Variants in GATA4 observed in about 807,000 individuals in gnomAD.
GATA4 encodes GATA binding protein 4, also known as transcription factor GATA-4.
Under a neutral mutation model 37.9 loss-of-function variants are expected in GATA4, and 7 were observed. That is an observed-to-expected ratio of 0.18 (90% CI 0.11 to 0.35). The LOEUF is 0.35. Among genes scored for constraint, GATA4 ranks in the 10% least tolerant of loss-of-function variants. GATA4 has a pLI of 1.00. For synonymous variants in GATA4, 372 were observed against 292.6 expected, an observed-to-expected ratio of 1.27 and a Z score of -2.77; for missense variants, 647 against 653.0, an observed-to-expected ratio of 0.99 and a Z score of 0.10.
At chr8:11,747,845 A>G (rs1802105396) in intron 2 of GATA4, among the ~76,000 whole-genome samples, 1 of 152,264 alleles carries the variant, frequency 6.6e-6, no homozygotes, top group Non-Finnish European at 1.5e-5. Flanking sequence ...AAATGAGTTT[A>G]TAAAGAATTT....
In GATA4 at chr8:11,758,684, G is replaced by A; in HGVS notation, c.*209G>A. ...CCTTTACACGCTGATGGGACTGGAG[G>A]GAGCCCACCCTTCAGCACGAGCACA... On this transcript the variant is annotated 3_prime_UTR_variant, in exon 7 of 7. Transcript: ENST00000532059. 1 of 614,516 alleles carries A rather than the reference G, an allele frequency of 1.6e-6. No homozygotes were observed. The highest frequency in any genetic ancestry group is 2.8e-5 in the East Asian group (1 of 35,360). The allele number at this position is 614,516 out of a possible 1,614,324, so 38.1% of individuals were successfully genotyped here.
chr8:11,732,221 T>C (rs1322114685), intron 2 of GATA4, among the ~76,000 whole-genome samples: 4 of 152,232 alleles, frequency 2.6e-5, no homozygotes, highest in African/African-American at 9.7e-5. Context: ...AGACTGTAGA[T>C]TTTGTAGCAG....
rs139156236 is a variant in GATA4 at position 11,742,296 on chromosome 8, G to A, written c.617-6620G>A. ...AAAACCTCTTTGCATATGAGCGGGT[G>A]TATTTTCCCCTATCATTTGTTCTTC... On this transcript the variant is annotated intron_variant, in intron 2 of 6. Transcript: ENST00000532059. Among the ~76,000 whole-genome samples, 880 of 151,826 alleles carry A rather than the reference G, an allele frequency of 5.8e-3. 2 individuals carry two copies. The highest frequency in any genetic ancestry group is 9.1e-3 in the Non-Finnish European group (618 of 67,992).
In GATA4 at chr8:11,750,294, C is replaced by T. The variant is rs963760859; in HGVS notation, c.912+58C>T. The T allele has an allele frequency of 2.5e-6, 4 of 1,602,092 alleles. No homozygotes were observed. The African/African-American group carries it at 5.3e-5, about 21-fold the overall frequency. ...GCCTTCTGATGCCCATCTCTCAGTC[C>T]TCCCTTGTCTTCTTCCTTTGTACTA... is the stretch of plus-strand genomic sequence containing the variant. On this transcript the variant is annotated intron_variant, in intron 4 of 6. Coordinates refer to ENST00000532059, the MANE Select transcript of GATA4 (RefSeq NM_001308093.3).
At chr8:11,693,154 G>A (rs903138591) in intron 1 of GATA4, 1 of 889,266 alleles carries the variant, frequency 1.1e-6, no homozygotes, top group Non-Finnish European at 1.3e-6. Context: ...TTCCTAAAGA[G>A]CTGTAAGGAA....
chr8:11,743,970 C>G (rs1054149753), intron 2 of GATA4, among the ~76,000 whole-genome samples: 1 of 152,152 alleles, frequency 6.6e-6, no homozygotes, highest in Non-Finnish European at 1.5e-5. Context: ...TTATTTTGTG[C>G]TTTTCATTGC....
At chr8:11,757,905 C>G (rs948807535) in intron 6 of GATA4, among the ~76,000 whole-genome samples, 1 of 152,212 alleles carries the variant, frequency 6.6e-6, no homozygotes, top group Admixed American at 6.5e-5. Flanking sequence ...TCTGGGAGAA[C>G]CTGATCCCAC....
At chr8:11,738,932 A>G (rs1801589253) in intron 2 of GATA4, among the ~76,000 whole-genome samples, 1 of 152,334 alleles carries the variant, frequency 6.6e-6, no homozygotes, top group African/African-American at 2.4e-5. Flanking sequence ...CTCTTCATGT[A>G]CATTCTACCC....
chr8:11,756,921 C>T lies in GATA4; in HGVS notation c.1001-14C>T. ...TGCCGCTGATTTGGGTGTGCTGACT[C>T]TGCTTCATTCCAGCTCCTTCAGGCA... On this transcript the variant is annotated splice_polypyrimidine_tract_variant and intron_variant, in intron 5 of 6. Coordinates refer to ENST00000532059, the MANE Select transcript of GATA4 (RefSeq NM_001308093.3). 1 of 1,614,220 alleles carries T rather than the reference C, an allele frequency of 6.2e-7. No individual in the cohort carries two copies. The highest frequency in any genetic ancestry group is 8.5e-7 in the Non-Finnish European group (1 of 1,180,050).
At position 11,759,389 on chromosome 8, in the gene GATA4, G is replaced by C. The variant is rs1206239109; in HGVS notation, c.*914G>C. Reference sequence around the variant, plus strand: ...CAGCCTCGAGGTCCTTCTGGGGAGAGTGTAAGTGGACAGAGTCCTGGTCAG... The same window carrying C: ...CAGCCTCGAGGTCCTTCTGGGGAGACTGTAAGTGGACAGAGTCCTGGTCAG... On this transcript the variant is annotated 3_prime_UTR_variant, in exon 7 of 7. Transcript: ENST00000532059. The C allele has an allele frequency of 6.5e-6, 1 of 152,770 alleles. No individual in the cohort carries two copies. The highest frequency in any genetic ancestry group is 1.9e-4 in the East Asian group (1 of 5,214). 9.5% of individuals were successfully genotyped at this position (152,770 alleles called of 1,614,324 possible).
At chr8:11,685,983 C>T (rs1188856226) in intron 1 of GATA4, among the ~76,000 whole-genome samples, 3 of 152,160 alleles carry the variant, frequency 2.0e-5, no homozygotes, top group Admixed American at 6.5e-5. Flanking sequence ...AGAGCCAAAG[C>T]GGAGGACAGG....
rs864321700 is a variant in GATA4 at position 11,708,695 on chromosome 8, A to G, written c.383A>G (p.Glu128Gly). 1 of 1,277,204 alleles carries G rather than the reference A, an allele frequency of 7.8e-7. No individual in the cohort carries two copies. The highest frequency in any genetic ancestry group is 2.7e-5 in the South Asian group (1 of 36,926). 79.1% of individuals were successfully genotyped at this position (1,277,204 alleles called of 1,614,324 possible). ...AAAAAAAAAREAAAYSSGGGA... is the reference protein window; with the variant it reads ...AAAAAAAAARGAAAYSSGGGA... ...GCCGCCGCCGCTGCCGCGGCCCGGG[A>G]AGCTGCGGCCTACAGCAGTGGCGGC... is the stretch of plus-strand genomic sequence containing the variant. The change falls in exon 2 of 7, where the codon GAA becomes GGA. Residue 128 changes from glutamate to glycine, a missense_variant. Transcript: ENST00000532059. This position sits in a 1 kb window ranked among gnomAD's most constrained non-coding sequence, Gnocchi z 6.7.
chr8:11,697,534 G>T, intron 1 of GATA4: 4 of 985,226 alleles, frequency 4.1e-6, no homozygotes, highest in South Asian at 9.4e-5. Context: ...AGAGGTGGTC[G>T]TGGAGGCCAC....
intron 1 of GATA4, chr8:11,681,611 A>C (rs1798976634): frequency 1.2e-5 from 4 of 331,872 alleles, no homozygotes; most frequent in Non-Finnish European, 1.7e-5. Flanking sequence ...AATTTTATTT[A>C]TTGGTTTACT....
chr8:11,680,511 C>T, intron 1 of GATA4: 1 of 985,484 alleles, frequency 1.0e-6, no homozygotes, highest in Non-Finnish European at 1.2e-6. Context: ...CCACATGGGC[C>T]AGGTCACCTC....
chr8:11,708,569 G>C lies in GATA4; in HGVS notation c.257G>C (p.Ser86Thr). The change falls in exon 2 of 7, where the codon AGC becomes ACC. Residue 86 changes from serine to threonine, a missense_variant. Around this residue, in one of 5 missense-constraint regions of GATA4, gnomAD observed 379 missense variants for 334.5 expected, o/e 1.13. Transcript: ENST00000532059. The surrounding 1 kb of genome is among the most constrained non-coding windows in gnomAD (Gnocchi z 6.7). ...SGAGPGTQQG[S>T]PGWSQAGADG... ...GCGGGGCCCGGGACCCAGCAGGGCA[G>C]CCCGGGATGGAGCCAGGCGGGAGCC... 1 of 1,372,706 alleles carries C rather than the reference G, an allele frequency of 7.3e-7. No individual in the cohort carries two copies. Among genetic ancestry groups the C allele is most frequent in the East Asian group, 3.1e-5 (1 of 32,540 alleles). The allele number at this position is 1,372,706 out of a possible 1,614,324, so 85.0% of individuals were successfully genotyped here.
Position 11,708,153 on chromosome 8 carries a change from T to A in GATA4, c.-160T>A. The A allele has an allele frequency of 1.3e-6, 1 of 790,340 alleles. No individual in the cohort carries two copies. The highest frequency in any genetic ancestry group is 2.1e-6 in the Non-Finnish European group (1 of 468,796). 49.0% of individuals were successfully genotyped at this position (790,340 alleles called of 1,614,324 possible). On this transcript the variant is annotated 5_prime_UTR_variant, in exon 2 of 7. Coordinates refer to ENST00000532059, the MANE Select transcript of GATA4 (RefSeq NM_001308093.3). The surrounding 1 kb of genome is among the most constrained non-coding windows in gnomAD (Gnocchi z 6.7). ...TGCTCAATGCTGGATTTAATACGTA[T>A]ATATTTTTAAGCGAGTTGGTTTTTT...
At chr8:11,729,982 G>A (rs1307721884) in intron 2 of GATA4, among the ~76,000 whole-genome samples, 2 of 152,156 alleles carry the variant, frequency 1.3e-5, no homozygotes, top group Non-Finnish European at 2.9e-5. Context: ...CTGGAGTGCA[G>A]TGGCGTGATC....
In GATA4 at chr8:11,749,154, C is replaced by A. The variant is rs1802174468; in HGVS notation, c.786+69C>A. On this transcript the variant is annotated intron_variant, in intron 3 of 6. Transcript: ENST00000532059. This position sits in a 1 kb window ranked among gnomAD's most constrained non-coding sequence, Gnocchi z 4.6. ...AGCTCTCGCCTTGGTGGGACATCCT[C>A]TGGTTTTGAATTTTGGAACTTGAGG... The A allele has an allele frequency of 2.6e-6, 4 of 1,536,212 alleles. No individual in the cohort carries two copies. Among genetic ancestry groups the A allele is most frequent in the Non-Finnish European group, 2.7e-6 (3 of 1,123,518 alleles).
Sources: gnomAD v4.1 joint callset for allele counts (sites outside exome capture counted in the v4.1 genomes callset) on GRCh38, gnomAD v4.1.1 for gene constraint, gnomAD v4.1.1 regional missense constraint, Gnocchi (gnomAD v3.1) non-coding constraint, MANE v1.5 for transcripts, NCBI Gene and HGNC (gene_info 2026-07-23, HGNC 2026-07-21) for gene names.